The following KIAA1217 variants were observed in gnomAD, a reference collection of about 807,000 sequenced individuals.
KIAA1217 encodes the protein sickle tail protein homolog.
A neutral mutation model predicts 163.9 loss-of-function variants in KIAA1217; 88 were observed. That is an observed-to-expected ratio of 0.54 (90% CI 0.45 to 0.64). KIAA1217 has a LOEUF of 0.64. Among genes scored for constraint, KIAA1217 ranks in the 30% least tolerant of loss-of-function variants. The probability of loss-of-function intolerance (pLI) is 0.00; values close to 1 mark genes in which losing one functional copy is unlikely to be tolerated. For missense variants in KIAA1217, 2,372 were observed against 2,475.0 expected (o/e 0.96, Z 0.88); for synonymous variants, 903 against 923.1 (o/e 0.98, Z 0.39).
At position 24,546,250 on chromosome 10, in the gene KIAA1217, A is replaced by G. The variant is rs201161499; in HGVS notation, c.5758A>G (p.Ser1920Gly). ...GGGCACCAGGACCATCCATACTCCC[A>G]GCCTCACCAGCTACAAGGCACAGAA... The part of the protein sequence containing the change: ...AKGTRTIHTP[S>G]LTSYKAQNGS... Residue 1920 changes from serine to glycine, a missense_variant, in exon 21 of 21, where the codon AGC (serine) becomes GGC (glycine). By Grantham distance (56) the Ser-to-Gly change is moderately conservative (BLOSUM62 0). Around this residue, in one of 3 missense-constraint regions of KIAA1217, gnomAD observed 690 missense variants for 677.5 expected, o/e 1.02. Transcript: ENST00000376454. 6 of 1,614,196 alleles carry G rather than the reference A, an allele frequency of 3.7e-6. No individual in the cohort carries two copies. Among genetic ancestry groups the G allele is most frequent in the Non-Finnish European group, 5.1e-6 (6 of 1,180,036 alleles).
chr10:23,698,811 G>A (rs1836215495), intron 1 of KIAA1217, among the ~76,000 whole-genome samples: 1 of 152,036 alleles, frequency 6.6e-6, no homozygotes, highest in Non-Finnish European at 1.5e-5. Flanking sequence ...TTGAGACAGG[G>A]TCTTGCTCTA....
chr10:24,211,361 CTTT>C (rs1201397959), intron 1 of KIAA1217, among the ~76,000 whole-genome samples: 2 of 60,206 alleles, frequency 3.3e-5, no homozygotes, highest in African/African-American at 6.5e-5. Flanking sequence ...GGTGGGACTA[CTTT>C]TTTTTTTTTT....
chr10:24,074,223 C>T (rs1040634373), intron 2 of KIAA1217, among the ~76,000 whole-genome samples: 3 of 152,098 alleles, frequency 2.0e-5, no homozygotes, highest in Non-Finnish European at 2.9e-5. Flanking sequence ...GTGGCACATG[C>T]CTGTAATCCC....
At chr10:23,821,543 C>T (rs1436063037) in intron 1 of KIAA1217, among the ~76,000 whole-genome samples, 1 of 152,138 alleles carries the variant, frequency 6.6e-6, no homozygotes, top group Non-Finnish European at 1.5e-5. Flanking sequence ...CCTTGAGAAG[C>T]AGAAGGAAGC....
intron 3 of KIAA1217, among the ~76,000 whole-genome samples, chr10:24,408,753 T>C (rs2057465849): frequency 6.6e-6 from 1 of 152,198 alleles, no homozygotes; most frequent in South Asian, 2.1e-4. Flanking sequence ...AAACACCATC[T>C]TATCTGAAGA....
chr10:23,989,912 G>T (rs565501580), intron 1 of KIAA1217, among the ~76,000 whole-genome samples: 7 of 152,300 alleles, frequency 4.6e-5, no homozygotes, highest in African/African-American at 1.7e-4. Context: ...AAAAAAAGAG[G>T]TGACCATTCT....
chr10:24,435,911 A>C (rs1289125966), intron 4 of KIAA1217, among the ~76,000 whole-genome samples: 1 of 151,434 alleles, frequency 6.6e-6, no homozygotes, highest in East Asian at 1.9e-4. Flanking sequence ...CCCAGGTTGG[A>C]GTGCAGTGGC....
At chr10:23,781,170 T>C (rs1316932789) in intron 1 of KIAA1217, among the ~76,000 whole-genome samples, 1 of 152,246 alleles carries the variant, frequency 6.6e-6, no homozygotes, top group East Asian at 1.9e-4. Context: ...TTTTAACTTT[T>C]TGAGGAACCT....
At chr10:24,519,918 C>T (rs2070819743) in intron 10 of KIAA1217, among the ~76,000 whole-genome samples, 1 of 152,120 alleles carries the variant, frequency 6.6e-6, no homozygotes, top group Non-Finnish European at 1.5e-5. Flanking sequence ...GAAAACCCTC[C>T]TTGTACCTGC....
intron 2 of KIAA1217, among the ~76,000 whole-genome samples, chr10:24,361,139 G>A (rs1017241114): frequency 4.6e-5 from 7 of 151,732 alleles, no homozygotes; most frequent in African/African-American, 1.7e-4. Flanking sequence ...TAGACTCAAA[G>A]GAAAGAAACC....
intron 1 of KIAA1217, among the ~76,000 whole-genome samples, chr10:23,964,134 C>T (rs1433610578): frequency 6.6e-6 from 1 of 151,946 alleles, no homozygotes; most frequent in Non-Finnish European, 1.5e-5. Flanking sequence ...CATCTCTTGA[C>T]TTCATGATCC....
chr10:24,153,488 G>T (rs2064721836), intron 2 of KIAA1217, among the ~76,000 whole-genome samples: 1 of 152,130 alleles, frequency 6.6e-6, no homozygotes, highest in African/African-American at 2.4e-5. Context: ...TTTTAAGAAG[G>T]TACCTTGTGT....
At chr10:24,413,732 C>G (rs1722697666) in intron 3 of KIAA1217, among the ~76,000 whole-genome samples, 1 of 152,176 alleles carries the variant, frequency 6.6e-6, no homozygotes, top group Admixed American at 6.5e-5. Flanking sequence ...TTGCCTCCTT[C>G]CCCCAGATAT....
chr10:24,344,331 CTG>C (rs1156910432), intron 2 of KIAA1217, among the ~76,000 whole-genome samples: 1 of 152,178 alleles, frequency 6.6e-6, no homozygotes, highest in East Asian at 1.9e-4. Flanking sequence ...AGACAGAAAA[CTG>C]TTCGTATTTC....
chr10:23,824,698 A>T (rs765658197), intron 1 of KIAA1217, among the ~76,000 whole-genome samples: 1 of 144,404 alleles, frequency 6.9e-6, no homozygotes, highest in Non-Finnish European at 1.5e-5. Context: ...TATGATATGT[A>T]AAGGAGAAAA....
chr10:24,036,161 G>A (rs1270956632), intron 2 of KIAA1217, among the ~76,000 whole-genome samples: 1 of 152,216 alleles, frequency 6.6e-6, no homozygotes, highest in East Asian at 1.9e-4. Flanking sequence ...GGCAGCTCAG[G>A]CAGTTACAAA....
At chr10:24,000,402 C>T (rs1004780935) in intron 1 of KIAA1217, among the ~76,000 whole-genome samples, 2 of 152,158 alleles carry the variant, frequency 1.3e-5, no homozygotes, top group Admixed American at 1.3e-4. Context: ...CTTCTCCTTG[C>T]TGCCACCATG....
chr10:24,518,171 C>G (rs966152672), intron 10 of KIAA1217, among the ~76,000 whole-genome samples: 2 of 152,138 alleles, frequency 1.3e-5, no homozygotes, highest in African/African-American at 4.8e-5. Flanking sequence ...ACTGTGACGT[C>G]TATGAATATC....
intron 9 of KIAA1217, among the ~76,000 whole-genome samples, chr10:24,502,204 A>C (rs1391321164): frequency 1.4e-5 from 2 of 146,476 alleles, no homozygotes; most frequent in East Asian, 4.1e-4. Context: ...ATCCTCCTCC[A>C]CACTGAACGG....
Sources: allele counts gnomAD v4.1 joint callset (sites outside exome capture counted in the v4.1 genomes callset), GRCh38; gene constraint gnomAD v4.1.1; regional missense constraint gnomAD v4.1.1; transcripts MANE v1.5; gene names NCBI Gene and HGNC (gene_info 2026-07-23, HGNC 2026-07-21).